Variants in ZNF385D observed in about 807,000 individuals in gnomAD.
ZNF385D encodes the protein zinc finger protein 659.
ZNF385D carries 15 observed loss-of-function variants against 35.8 expected under a neutral mutation model. The ratio of observed to expected loss-of-function variants is 0.42; its 90% confidence interval spans 0.28 to 0.64. The LOEUF is 0.64. ZNF385D is among the 30% of genes least tolerant of loss of function. The pLI is 0.23. For missense variants in ZNF385D, 474 were observed against 494.6 expected (o/e 0.96, Z 0.39); for synonymous variants, 212 against 186.8 (o/e 1.13, Z -1.10).
intron 3 of ZNF385D, among the ~76,000 whole-genome samples, chr3:21,816,793 C>CA (rs1326527521): frequency 1.3e-5 from 2 of 152,192 alleles, no homozygotes; most frequent in African/African-American, 4.8e-5. Context: ...CCATCCCCAT[C>CA]AAGCTCCCAA....
In ZNF385D at chr3:21,800,623, C is replaced by A. The variant is rs150314515; in HGVS notation, c.326-135595G>T. Among the ~76,000 whole-genome samples, 10 of 152,098 alleles carry A rather than the reference C, an allele frequency of 6.6e-5. No individual in the cohort carries two copies. The East Asian group carries it at 1.9e-3, about 29-fold the overall frequency. On this transcript the variant is annotated intron_variant, in intron 3 of 5. Coordinates refer to the ZNF385D transcript ENST00000494108. Reference sequence around the variant, plus strand: ...CCTTGCTATTTTTTATTTAATTATTCTATTAAAAAACAATTTATTTCCAAG... The same window carrying A: ...CCTTGCTATTTTTTATTTAATTATTATATTAAAAAACAATTTATTTCCAAG...
Position 21,954,582 on chromosome 3 carries a change from T to C in ZNF385D, c.325+214235A>G, listed in dbSNP as rs537925174. On this transcript the variant is annotated intron_variant, in intron 3 of 5. Coordinates refer to the ZNF385D transcript ENST00000494108. ...TATGTGAGTTCTGTTTGTTAATTAG[T>C]TAGGTGTAAACAACTTAATTTTTAT... Among the ~76,000 whole-genome samples the C allele has an allele frequency of 1.5e-4, 23 of 152,206 alleles. No individual in the cohort carries two copies. In the South Asian group the frequency reaches 2.3e-3, roughly 15 times the overall value.
chr3:21,719,901 A>C (rs1021986602), intron 1 of ZNF385D, among the ~76,000 whole-genome samples: 1 of 152,196 alleles, frequency 6.6e-6, no homozygotes, highest in Non-Finnish European at 1.5e-5. Context: ...CATCAACACA[A>C]TCAGGAGAAC....
chr3:21,766,700 T>C (rs142089379), intron 3 of ZNF385D, among the ~76,000 whole-genome samples: 11 of 152,042 alleles, frequency 7.2e-5, no homozygotes, highest in East Asian at 3.9e-4. Context: ...AAGAGTAAGA[T>C]AGAATAGCTG....
At chr3:22,180,945 C>CTTTTTTTTTT (rs1553624088) in intron 2 of ZNF385D, among the ~76,000 whole-genome samples, 5 of 99,028 alleles carry the variant, frequency 5.0e-5, no homozygotes, top group African/African-American at 2.7e-4. Flanking sequence ...GACAGCTTTG[C>CTTTTTTTTTT]TTTCTCCTTC....
chr3:21,871,510 G>A (rs1209085879), intron 3 of ZNF385D, among the ~76,000 whole-genome samples: 1 of 152,132 alleles, frequency 6.6e-6, no homozygotes, highest in African/African-American at 2.4e-5. Flanking sequence ...GTTTTGAAAA[G>A]TGACTGGCAT....
intron 3 of ZNF385D, among the ~76,000 whole-genome samples, chr3:22,152,876 T>C (rs1252861077): frequency 6.6e-6 from 1 of 152,114 alleles, no homozygotes; most frequent in African/African-American, 2.4e-5. Flanking sequence ...TGTACTATAC[T>C]CTAAACCCAT....
At chr3:21,929,481 A>G (rs1477565380) in intron 3 of ZNF385D, among the ~76,000 whole-genome samples, 1 of 152,066 alleles carries the variant, frequency 6.6e-6, no homozygotes, top group Non-Finnish European at 1.5e-5. Context: ...TAGGCCCAAA[A>G]AAGTGTTTGG....
At chr3:22,117,163 G>A (rs987839387) in intron 3 of ZNF385D, among the ~76,000 whole-genome samples, 2 of 151,934 alleles carry the variant, frequency 1.3e-5, no homozygotes, top group African/African-American at 2.4e-5. Context: ...TTAACAAACA[G>A]AAAAATCCAG....
At chr3:21,601,621 T>A (rs1329557964) in intron 2 of ZNF385D, among the ~76,000 whole-genome samples, 1 of 152,220 alleles carries the variant, frequency 6.6e-6, no homozygotes, top group Non-Finnish European at 1.5e-5. Context: ...CAAATTTTAG[T>A]GCTAATTATT....
chr3:22,077,772 A>G (rs1179928105), intron 3 of ZNF385D, among the ~76,000 whole-genome samples: 1 of 152,028 alleles, frequency 6.6e-6, no homozygotes, highest in Non-Finnish European at 1.5e-5. Flanking sequence ...TAACAACAAC[A>G]AAAGAAATGG....
At chr3:21,981,976 T>C (rs564017833) in intron 3 of ZNF385D, among the ~76,000 whole-genome samples, 1 of 152,230 alleles carries the variant, frequency 6.6e-6, no homozygotes, top group Non-Finnish European at 1.5e-5. Flanking sequence ...CCTTGTAGTA[T>C]AGTTTGAAGT....
chr3:22,210,795 C>G (rs1260528012), intron 2 of ZNF385D, among the ~76,000 whole-genome samples: 1 of 151,356 alleles, frequency 6.6e-6, no homozygotes, highest in Admixed American at 6.6e-5. Context: ...GTTCCCTCAC[C>G]ACTCTGGATC....
At chr3:22,153,556 T>C (rs1705402252) in intron 3 of ZNF385D, among the ~76,000 whole-genome samples, 2 of 149,624 alleles carry the variant, frequency 1.3e-5, no homozygotes, top group Non-Finnish European at 3.0e-5. Context: ...CTCCCCCTCC[T>C]GGGTCCAAGC....
intron 1 of ZNF385D, among the ~76,000 whole-genome samples, chr3:21,677,448 C>G (rs1033930064): frequency 6.6e-6 from 1 of 151,954 alleles, no homozygotes; most frequent in African/African-American, 2.4e-5. Context: ...TCAGGCTGAG[C>G]CAGAATTAAC....
intron 4 of ZNF385D, among the ~76,000 whole-genome samples, chr3:21,507,762 T>G (rs1706887983): frequency 1.3e-5 from 2 of 152,296 alleles, no homozygotes; most frequent in South Asian, 4.1e-4. Context: ...TTCAGAGTTG[T>G]GCTAATCAGT....
intron 3 of ZNF385D, among the ~76,000 whole-genome samples, chr3:22,082,351 T>C (rs1195078677): frequency 6.6e-6 from 1 of 152,174 alleles, no homozygotes; most frequent in East Asian, 1.9e-4. Flanking sequence ...TCTGCCCTAA[T>C]ACTGCACTTT....
chr3:21,501,030 G>T (rs781423063), intron 4 of ZNF385D, among the ~76,000 whole-genome samples: 3 of 152,082 alleles, frequency 2.0e-5, no homozygotes, highest in Non-Finnish European at 4.4e-5. Context: ...CCCCGCATTT[G>T]CATTAGAAGG....
At chr3:21,824,563 T>C (rs972866097) in intron 3 of ZNF385D, among the ~76,000 whole-genome samples, 6 of 152,196 alleles carry the variant, frequency 3.9e-5, no homozygotes, top group Non-Finnish European at 8.8e-5. Flanking sequence ...CCTCATCATA[T>C]ATCAAAAACT....
Sources: allele counts gnomAD v4.1 joint callset (sites outside exome capture counted in the v4.1 genomes callset), GRCh38; gene constraint gnomAD v4.1.1; transcripts MANE v1.5; gene names NCBI Gene and HGNC (gene_info 2026-07-23, HGNC 2026-07-21).